Variants in KANK1 observed in about 807,000 individuals in gnomAD.
KANK1 encodes the protein KN motif and ankyrin repeat domain-containing protein 1.
A neutral mutation model predicts 106.2 loss-of-function variants in KANK1; 109 were observed. That is an observed-to-expected ratio of 1.03 (90% CI 0.88 to 1.20). The LOEUF is 1.20. Ranked by LOEUF, KANK1 falls within the 50% of genes most tolerant of loss-of-function variation. KANK1 has a pLI of 0.00. For synonymous variants in KANK1, 873 were observed against 652.2 expected, an observed-to-expected ratio of 1.34 and a Z score of -5.16; for missense variants, 2,399 against 1,710.7, an observed-to-expected ratio of 1.40 and a Z score of -7.10.
intron 1 of KANK1, among the ~76,000 whole-genome samples, chr9:608,079 G>A (rs564057080): frequency 0.022 from 3,106 of 138,214 alleles, 166 homozygotes; most frequent in African/African-American, 0.084. Context: ...CGCCCAGGCC[G>A]GACTGCGGAC....
At chr9:537,189 A>C (rs2060345616) in intron 1 of KANK1, among the ~76,000 whole-genome samples, 1 of 152,186 alleles carries the variant, frequency 6.6e-6, no homozygotes, top group South Asian at 2.1e-4. Context: ...TTTGAAAACA[A>C]AGCTAAGCTG....
intron 1 of KANK1, among the ~76,000 whole-genome samples, chr9:521,540 C>G: frequency 6.8e-6 from 1 of 146,732 alleles, no homozygotes; most frequent in South Asian, 2.2e-4. Context: ...ACTTGGAATT[C>G]TCTACTTTCT....
chr9:711,973 G>A lies in KANK1; in HGVS notation c.1207G>A (p.Val403Met), dbSNP rs753182628. The A allele has an allele frequency of 6.2e-7, 1 of 1,614,222 alleles. No individual in the cohort carries two copies. The highest frequency in any genetic ancestry group is 8.5e-7 in the Non-Finnish European group (1 of 1,180,044). Residue 403 changes from valine to methionine, a missense_variant, in exon 3 of 12, where the codon GTG becomes ATG. Coordinates refer to ENST00000382297, the MANE Select transcript of KANK1 (RefSeq NM_015158.5). ...RENGECRSVAVGAEENMNDIV... is the reference protein window; with the variant it reads ...RENGECRSVAMGAEENMNDIV... ...GAATGGAGAGTGCCGGTCTGTGGCT[G>A]TGGGTGCCGAGGAGAACATGAACGA...
rs1040488203 is a variant in KANK1, at chr9:705,346, C to T, written c.38-5458C>T. 5.9e-5 allele frequency among the ~76,000 whole-genome samples: 9 copies of T among 152,110 alleles called. No individual in the cohort carries two copies. In the South Asian group the frequency reaches 6.2e-4, roughly 11 times the overall value. On this transcript the variant is annotated intron_variant, in intron 2 of 11. Transcript: ENST00000382297. Reference sequence around the variant, plus strand: ...ACTAAAAATACAAAAAGTAGCTGGGCGTGGTGGCACACGCCTGTAATCCCA... The same window carrying T: ...ACTAAAAATACAAAAAGTAGCTGGGTGTGGTGGCACACGCCTGTAATCCCA...
intron 2 of KANK1, chr9:693,753 C>T (rs1315128773): frequency 1.0e-6 from 1 of 985,150 alleles, no homozygotes; most frequent in East Asian, 1.1e-4. Context: ...GCTTCCTGCT[C>T]GCTGAAAATC....
At chr9:611,869 C>T (rs1173302102) in intron 1 of KANK1, among the ~76,000 whole-genome samples, 2 of 152,178 alleles carry the variant, frequency 1.3e-5, no homozygotes, top group East Asian at 3.9e-4. Context: ...CAGGCGCATG[C>T]CACCACACCC....
intron 1 of KANK1, among the ~76,000 whole-genome samples, chr9:672,720 T>C (rs1410367563): frequency 6.6e-6 from 1 of 152,228 alleles, no homozygotes; most frequent in African/African-American, 2.4e-5. Context: ...TTTTAGCTAA[T>C]GTAAAGTATT....
intron 1 of KANK1, among the ~76,000 whole-genome samples, chr9:649,883 G>T (rs1053306150): frequency 2.0e-5 from 3 of 152,310 alleles, no homozygotes; most frequent in African/African-American, 7.2e-5. Flanking sequence ...AGCTTGAAAG[G>T]ATGGCTCTAC....
At chr9:602,087 C>T (rs752146117) in intron 1 of KANK1, among the ~76,000 whole-genome samples, 9 of 151,892 alleles carry the variant, frequency 5.9e-5, no homozygotes, top group Non-Finnish European at 8.8e-5. Flanking sequence ...AAAATCAATG[C>T]ACATACCCTG....
intron 3 of KANK1, among the ~76,000 whole-genome samples, chr9:482,937 T>C (rs1436115167): frequency 1.3e-5 from 2 of 152,216 alleles, no homozygotes; most frequent in East Asian, 3.8e-4. Flanking sequence ...GTGAATCATC[T>C]TTTTGTCCAG....
At chr9:498,279 A>G (rs1304179921) in intron 3 of KANK1, among the ~76,000 whole-genome samples, 1 of 152,202 alleles carries the variant, frequency 6.6e-6, no homozygotes, top group East Asian at 1.9e-4. Context: ...TACTACAGAA[A>G]TGGGCTGATG....
intron 1 of KANK1, among the ~76,000 whole-genome samples, chr9:539,100 T>TG (rs1168050551): frequency 6.6e-6 from 1 of 152,126 alleles, no homozygotes; most frequent in African/African-American, 2.4e-5. Flanking sequence ...CAGCTGGTCT[T>TG]GAACTCCTGG....
chr9:741,529 C>T (rs1428222192), intron 9 of KANK1, among the ~76,000 whole-genome samples: 1 of 150,820 alleles, frequency 6.6e-6, no homozygotes, highest in Non-Finnish European at 1.5e-5. Flanking sequence ...ATTCTGTCAC[C>T]CAGGCTGGAG....
chr9:542,816 C>T (rs558022321), intron 1 of KANK1, among the ~76,000 whole-genome samples: 1 of 148,918 alleles, frequency 6.7e-6, no homozygotes, highest in African/African-American at 2.5e-5. Flanking sequence ...TGCATTTTCT[C>T]ACTTATATGT....
chr9:611,389 C>T lies in KANK1; in HGVS notation c.-83-65501C>T, dbSNP rs1830517139. ...CTTATCTCCAGGATTCAGTGTAGGA[C>T]ATAGAAAAAAGTACAGGACTCAAGT... On this transcript the variant is annotated intron_variant, in intron 1 of 11. Transcript: ENST00000382297. 2.0e-5 allele frequency among the ~76,000 whole-genome samples: 3 copies of T among 152,042 alleles called. No homozygotes were observed. In the South Asian group the frequency reaches 6.2e-4, roughly 32 times the overall value.
intron 1 of KANK1, among the ~76,000 whole-genome samples, chr9:572,488 C>G (rs1271596522): frequency 2.0e-5 from 3 of 151,854 alleles, no homozygotes; most frequent in Non-Finnish European, 4.4e-5. Context: ...GGAGGTGGAG[C>G]TTGCAGTGAG....
At chr9:735,832 A>G (rs183093075) in intron 7 of KANK1, 5 of 349,764 alleles carry the variant, frequency 1.4e-5, no homozygotes, top group African/African-American at 1.0e-4. Context: ...TTTCTCTACT[A>G]AAAATACAAA....
intron 2 of KANK1, among the ~76,000 whole-genome samples, chr9:699,957 G>A (rs1822243107): frequency 6.6e-6 from 1 of 152,180 alleles, no homozygotes; most frequent in African/African-American, 2.4e-5. Context: ...ACTCCAGCCT[G>A]AGTGACAGAG....
At chr9:742,161 A>T (rs759324055) in intron 9 of KANK1, 44 bp from the exon 10 acceptor site, 1 of 1,558,268 alleles carries the variant, frequency 6.4e-7, no homozygotes, top group Non-Finnish European at 8.8e-7. Context: ...CACCACTGCC[A>T]GCTCAGTACG....
Sources: allele counts gnomAD v4.1 joint callset (sites outside exome capture counted in the v4.1 genomes callset), GRCh38; gene constraint gnomAD v4.1.1; transcripts MANE v1.5; gene names NCBI Gene and HGNC (gene_info 2026-07-23, HGNC 2026-07-21).